TMEM237: variants seen among roughly 807,000 people sequenced by gnomAD.
TMEM237 encodes amyotrophic lateral sclerosis 2 (juvenile) chromosome region, candidate 4.
In TMEM237, 51 loss-of-function variants were observed where a neutral mutation model predicts 59.1. The ratio of observed to expected loss-of-function variants is 0.86; its 90% CI spans 0.69 to 1.09. TMEM237 has a LOEUF of 1.09. Among genes scored for constraint, TMEM237 ranks in the 50% least tolerant of loss-of-function variants. The pLI is 0.00. For synonymous variants in TMEM237, 140 were observed against 166.1 expected, an observed-to-expected ratio of 0.84 and a Z score of 1.21; for missense variants, 475 against 478.3, an observed-to-expected ratio of 0.99 and a Z score of 0.06.
At chr2:201,627,807 T>C (rs1957772293) in intron 10 of TMEM237, among the ~76,000 whole-genome samples, 1 of 152,196 alleles carries the variant, frequency 6.6e-6, no homozygotes, top group Admixed American at 6.5e-5. Flanking sequence ...ATCTGTTTAA[T>C]GTCAAGTAGA....
intron 1 of TMEM237, chr2:201,642,506 G>T: frequency 2.3e-6 from 3 of 1,328,278 alleles, no homozygotes; most frequent in Non-Finnish European, 3.1e-6. Context: ...CCGCAAAAAT[G>T]ACGTTCCACC....
intron 1 of TMEM237, 36 bp from the exon 2 acceptor site, chr2:201,640,960 A>G (rs779139733): frequency 1.1e-5 from 17 of 1,585,722 alleles, no homozygotes; most frequent in Non-Finnish European, 1.3e-5. Flanking sequence ...TGTAAGTAAA[A>G]GCCTAGAGCA....
At chr2:201,632,761 C>A (rs1440580907) in intron 6 of TMEM237, among the ~76,000 whole-genome samples, 7 of 152,170 alleles carry the variant, frequency 4.6e-5, no homozygotes, top group African/African-American at 1.7e-4. Flanking sequence ...ATTATCCAGT[C>A]TCGGGTATGT....
Position 201,629,271 on chromosome 2 carries a change from C to A in TMEM237, c.828G>T (p.Leu276=). The A allele has an allele frequency of 7.5e-6, 12 of 1,594,540 alleles. No individual in the cohort carries two copies. Among genetic ancestry groups the A allele is most frequent in the South Asian group, 1.2e-5 (1 of 86,450 alleles). ...KTLAYPFQSL[L]YLLLALSTIS... ...TTGTACTCAGAGCCAAAAGCAAGTA[C>A]AGAAGACTCTGGAATGGATACGCTA... The change falls in exon 9 of 13, where the codon CTG becomes CTT. Residue 276 remains leucine, a synonymous_variant. Coordinates refer to ENST00000409883, the MANE Select transcript of TMEM237 (RefSeq NM_001044385.3).
chr2:201,627,544 AAATAT>A, intron 10 of TMEM237, 130 bp from the exon 11 acceptor site: 1 of 614,974 alleles, frequency 1.6e-6, no homozygotes, highest in South Asian at 2.7e-5. Flanking sequence ...TTGACCAAAT[AAATAT>A]ATTTCAATAG....
chr2:201,643,332 G>C lies in TMEM237; in HGVS notation c.42+27C>G, dbSNP rs1019739511. ...TGTAGCTGTTTACCCGCCACCTCTC[G>C]AGGCCGACGCGCCCCTCGCCGCTCA... is the stretch of plus-strand genomic sequence containing the variant. On this transcript the variant is annotated intron_variant, in intron 1 of 12. Transcript: ENST00000409883. The surrounding 1 kb of genome is among the most constrained non-coding windows in gnomAD (Gnocchi z 4.3). 1 of 1,536,700 alleles carries C rather than the reference G, an allele frequency of 6.5e-7. No individual in the cohort carries two copies. Among genetic ancestry groups the C allele is most frequent in the Non-Finnish European group, 8.8e-7 (1 of 1,141,452 alleles).
At chr2:201,642,853 T>A in intron 1 of TMEM237, 1 of 1,339,808 alleles carries the variant, frequency 7.5e-7, no homozygotes, top group Non-Finnish European at 9.5e-7. Flanking sequence ...TTGGGGGTAA[T>A]GTGCCCAGGA....
chr2:201,640,117 A>G, intron 3 of TMEM237, 144 bp downstream of exon 3: 1 of 620,068 alleles, frequency 1.6e-6, no homozygotes, highest in Non-Finnish European at 2.6e-6. Context: ...CAATTTTTAA[A>G]TGGTAGTCAT....
chr2:201,642,215 T>C (rs550622267), intron 1 of TMEM237, among the ~76,000 whole-genome samples: 13 of 152,354 alleles, frequency 8.5e-5, no homozygotes, highest in South Asian at 6.2e-4. Flanking sequence ...CAATTTAATG[T>C]TCCAAGTATC....
At chr2:201,629,659 GT>G in intron 8 of TMEM237, 69 bp downstream of exon 8, 1 of 1,551,622 alleles carries the variant, frequency 6.4e-7, no homozygotes, top group Non-Finnish European at 8.7e-7. Flanking sequence ...CAACCAAGAG[GT>G]TATTTTTTTC....
At position 201,629,384 on chromosome 2, in the gene TMEM237, A is replaced by G; in HGVS notation, c.715T>C (p.Cys239Arg). The G allele has an allele frequency of 6.3e-7, 1 of 1,590,518 alleles. No homozygotes were observed. Among genetic ancestry groups the G allele is most frequent in the Non-Finnish European group, 8.5e-7 (1 of 1,173,362 alleles). ...ATCACAACAATATTCCACACAGCACAGCCAGCCAAGAATCCATGAGAAAAG... is the reference window on the plus strand; with the variant it reads ...ATCACAACAATATTCCACACAGCACGGCCAGCCAAGAATCCATGAGAAAAG... ...GLFSHGFLAG[C>R]AVWNIVVIYV... The change falls in exon 9 of 13, where the codon TGT becomes CGT. Residue 239 changes from cysteine to arginine, a missense_variant. By Grantham distance (180) the Cys-to-Arg change is radical. Transcript: ENST00000409883.
chr2:201,626,197 A>G (rs1323719130), intron 11 of TMEM237, 50 bp from the exon 12 acceptor site: 1 of 1,576,366 alleles, frequency 6.3e-7, no homozygotes, highest in Non-Finnish European at 8.6e-7. Context: ...TGGTTCATAT[A>G]CACAAATATA....
intron 1 of TMEM237, chr2:201,642,865 C>G: frequency 7.5e-7 from 1 of 1,336,256 alleles, no homozygotes; most frequent in Non-Finnish European, 9.5e-7. Context: ...TGCCCAGGAG[C>G]AGAAATCTGG....
rs10673016 is a variant in TMEM237 at position 201,641,730 on chromosome 2, T to TACACACACAC, written c.43-816_43-807dup. ...TGCATATATATATATATACACAAGA[T>TACACACACAC]ACACACACACAAAACGTAATGAATG... On this transcript the variant is annotated intron_variant, in intron 1 of 12. Coordinates refer to ENST00000409883, the MANE Select transcript of TMEM237 (RefSeq NM_001044385.3). 3.2e-3 allele frequency among the ~76,000 whole-genome samples: 486 copies of TACACACACAC among 150,820 alleles called. 8 individuals carry two copies. The highest frequency in any genetic ancestry group is 0.011 in the African/African-American group (461 of 40,992).
rs986762839 is a variant in TMEM237, at chr2:201,631,924, C to G, written c.553+127G>C. 9.4e-6 allele frequency: 9 copies of G among 958,952 alleles called. No homozygotes were observed. The African/African-American group carries it at 1.3e-4, about 14-fold the overall frequency. 59.4% of individuals were successfully genotyped at this position (958,952 alleles called of 1,614,324 possible). A position where few individuals can be genotyped will look rare whatever the true frequency, so the allele number is the denominator to read the frequency against. On this transcript the variant is annotated intron_variant, in intron 7 of 12. Coordinates refer to ENST00000409883, the MANE Select transcript of TMEM237 (RefSeq NM_001044385.3). ...ACTCTCATGAATCATAGCATGATGA[C>G]CAGTTTTGTGTATAAATTGTTGTAC... is the stretch of plus-strand genomic sequence containing the variant.
intron 12 of TMEM237, among the ~76,000 whole-genome samples, chr2:201,624,577 T>C (rs1278807412): frequency 6.6e-6 from 1 of 152,150 alleles, no homozygotes; most frequent in Non-Finnish European, 1.5e-5. Context: ...AGAGACAATA[T>C]ACACAATCCT....
chr2:201,620,867 TTAG>T lies in TMEM237; in HGVS notation c.*3385_*3387del, dbSNP rs1321829576. On this transcript the variant is annotated 3_prime_UTR_variant, in exon 13 of 13. Coordinates refer to ENST00000409883, the MANE Select transcript of TMEM237 (RefSeq NM_001044385.3). ...TGATTTTGACAACTTTCACATCCTA[TTAG>T]TGGGCTCACACTGTTAGTTGCTAAT... is the stretch of plus-strand genomic sequence containing the variant. 6.6e-6 allele frequency: 1 copy of T among 152,216 alleles called. No homozygotes were observed. Among genetic ancestry groups the T allele is most frequent in the Non-Finnish European group, 1.5e-5 (1 of 68,034 alleles). 9.4% of individuals were successfully genotyped at this position (152,216 alleles called of 1,614,324 possible).
intron 6 of TMEM237, 51 bp from the exon 7 acceptor site, chr2:201,632,259 A>T: frequency 6.3e-7 from 1 of 1,594,502 alleles, no homozygotes; most frequent in Non-Finnish European, 8.6e-7. Context: ...AATTTTTTAC[A>T]GACTTACATA....
Position 201,643,273 on chromosome 2 carries a change from C to CGGGGGGG in TMEM237, c.42+85_42+86insCCCCCCC. 2 of 1,223,756 alleles carry CGGGGGGG rather than the reference C, an allele frequency of 1.6e-6. No homozygotes were observed. Among genetic ancestry groups the CGGGGGGG allele is most frequent in the Non-Finnish European group, 2.3e-6 (2 of 861,420 alleles). 75.8% of individuals were successfully genotyped at this position (1,223,756 alleles called of 1,614,324 possible). On this transcript the variant is annotated intron_variant, in intron 1 of 12. Transcript: ENST00000409883. This position sits in a 1 kb window ranked among gnomAD's most constrained non-coding sequence, Gnocchi z 4.3. ...CCCTTAGTGATTCCCAGCTCGTTGG[C>CGGGGGGG]GCCCCCCCACACACACCCACCCCCA...
Sources: gnomAD v4.1 joint callset for allele counts (sites outside exome capture counted in the v4.1 genomes callset) on GRCh38, gnomAD v4.1.1 for gene constraint, Gnocchi (gnomAD v3.1) non-coding constraint, MANE v1.5 for transcripts, NCBI Gene and HGNC (gene_info 2026-07-23, HGNC 2026-07-21) for gene names.